ANXA10: variants seen among roughly 807,000 people sequenced by gnomAD.
The protein encoded by ANXA10 is annexin A10, also known as annexin 14.
A neutral mutation model predicts 53.5 loss-of-function variants in ANXA10; 49 were observed. The observed-to-expected ratio is 0.92, with a 90% confidence interval of 0.73 to 1.16. The LOEUF (loss-of-function observed/expected upper bound fraction) is 1.16, where lower values mean the gene tolerates loss of function less well. ANXA10 is among the 50% of genes most tolerant of loss of function. The probability of loss-of-function intolerance (pLI) is 0.00; values close to 1 mark genes in which losing one functional copy is unlikely to be tolerated. For synonymous variants in ANXA10, 131 were observed against 128.9 expected (o/e 1.02, Z -0.11); for missense variants, 393 against 394.4 (o/e 1.00, Z 0.03).
chr4:168,180,539 A>G (rs1393422225), intron 9 of ANXA10, among the ~76,000 whole-genome samples: 1 of 152,210 alleles, frequency 6.6e-6, no homozygotes, highest in Non-Finnish European at 1.5e-5. Flanking sequence ...TGTTCTAGAC[A>G]CTGACTTAGG....
intron 3 of ANXA10, among the ~76,000 whole-genome samples, chr4:168,159,054 G>A (rs1187455876): frequency 2.0e-5 from 3 of 152,182 alleles, no homozygotes; most frequent in Admixed American, 1.3e-4. Context: ...ACAGCTTGCA[G>A]AACCATGAGA....
At chr4:168,103,280 G>A (rs902768830) in intron 1 of ANXA10, among the ~76,000 whole-genome samples, 3 of 151,728 alleles carry the variant, frequency 2.0e-5, no homozygotes, top group Non-Finnish European at 4.4e-5. Flanking sequence ...TTTTCTTCTA[G>A]AAGTTTTATA....
Position 168,155,491 on chromosome 4 carries a change from A to T in ANXA10, c.196-7037A>T, listed in dbSNP as rs1438432496. ...ATAATTATAAATTATATATTATATA[A>T]TATATAATTATATATTATAAAATAT... On this transcript the variant is annotated intron_variant, in intron 3 of 11. Transcript: ENST00000359299. Among the ~76,000 whole-genome samples, 8 of 24,552 alleles carry T rather than the reference A, an allele frequency of 3.3e-4. 1 individual carries two copies. The highest frequency in any genetic ancestry group is 2.0e-3 in the African/African-American group (8 of 4,010). 16.1% of individuals were successfully genotyped at this position (24,552 alleles called of 152,430 possible).
At chr4:168,154,314 T>C (rs953864656) in intron 3 of ANXA10, among the ~76,000 whole-genome samples, 4 of 152,188 alleles carry the variant, frequency 2.6e-5, no homozygotes, top group Non-Finnish European at 5.9e-5. Flanking sequence ...CATGTATGTA[T>C]TATTTATAAG....
intron 3 of ANXA10, among the ~76,000 whole-genome samples, chr4:168,141,366 ATCT>A (rs1457339238): frequency 1.3e-5 from 2 of 152,188 alleles, no homozygotes; most frequent in African/African-American, 4.8e-5. Flanking sequence ...CTTGATTTAG[ATCT>A]TCATCATTTT....
intron 3 of ANXA10, among the ~76,000 whole-genome samples, chr4:168,151,570 G>T (rs1263798943): frequency 4.6e-5 from 7 of 152,142 alleles, no homozygotes. Context: ...TCGGAATACA[G>T]GAAAGCAGAG....
chr4:168,168,133 G>C (rs1228331297), intron 6 of ANXA10, among the ~76,000 whole-genome samples: 1 of 152,194 alleles, frequency 6.6e-6, no homozygotes, highest in African/African-American at 2.4e-5. Flanking sequence ...ACCGATCAGA[G>C]TGCATTTCCC....
intron 8 of ANXA10, 29 bp from the exon 9 acceptor site, chr4:168,179,188 C>A: frequency 2.2e-6 from 3 of 1,347,528 alleles, no homozygotes; most frequent in African/African-American, 2.9e-5. Flanking sequence ...TTTTCAAAAT[C>A]TCCTTTGAAT....
Position 168,102,403 on chromosome 4 carries a change from T to G in ANXA10, c.18+9685T>G, listed in dbSNP as rs1293576255. 2.0e-5 allele frequency among the ~76,000 whole-genome samples: 3 copies of G among 152,116 alleles called. No individual in the cohort carries two copies. The East Asian group carries it at 5.8e-4, about 29-fold the overall frequency. Reference sequence around the variant, plus strand: ...ACCACACTGCCTGCCTGTAGTCAGCTACCGACCCCAAACTCCAAACTCTGG... The same window carrying G: ...ACCACACTGCCTGCCTGTAGTCAGCGACCGACCCCAAACTCCAAACTCTGG... On this transcript the variant is annotated intron_variant, in intron 1 of 11. Coordinates refer to ENST00000359299, the MANE Select transcript of ANXA10 (RefSeq NM_007193.5).
chr4:168,097,076 T>A (rs958434911), intron 1 of ANXA10, among the ~76,000 whole-genome samples: 1 of 151,870 alleles, frequency 6.6e-6, no homozygotes, highest in African/African-American at 2.4e-5. Flanking sequence ...TAATGTTTAT[T>A]TATAAGTAGA....
chr4:168,136,470 G>A (rs976610660), intron 2 of ANXA10, among the ~76,000 whole-genome samples: 1 of 152,130 alleles, frequency 6.6e-6, no homozygotes, highest in Admixed American at 6.5e-5. Flanking sequence ...CTTTCCAAAG[G>A]GGAAAAATCA....
At chr4:168,164,049 A>G in intron 4 of ANXA10, 149 bp from the exon 5 acceptor site, 1 of 584,434 alleles carries the variant, frequency 1.7e-6, no homozygotes, top group Non-Finnish European at 3.1e-6. Context: ...AGCTGAAACT[A>G]AGATTGTGCC....
chr4:168,109,434 G>T (rs149864195), intron 1 of ANXA10, among the ~76,000 whole-genome samples: 1 of 152,010 alleles, frequency 6.6e-6, no homozygotes, highest in African/African-American at 2.4e-5. Flanking sequence ...GAAGAAAATC[G>T]ATATCAAATA....
chr4:168,123,484 T>C (rs1030820773), intron 1 of ANXA10, among the ~76,000 whole-genome samples: 1 of 152,210 alleles, frequency 6.6e-6, no homozygotes, highest in Non-Finnish European at 1.5e-5. Flanking sequence ...CTAACAGGAA[T>C]CTTGCTGAAG....
chr4:168,174,265 G>A (rs527337783), intron 6 of ANXA10, among the ~76,000 whole-genome samples: 5 of 152,292 alleles, frequency 3.3e-5, no homozygotes, highest in African/African-American at 7.2e-5. Flanking sequence ...TCAGGCTGTC[G>A]ATGGTGGAAC....
At chr4:168,104,955 G>T (rs998756974) in intron 1 of ANXA10, among the ~76,000 whole-genome samples, 3 of 151,548 alleles carry the variant, frequency 2.0e-5, no homozygotes, top group African/African-American at 7.3e-5. Context: ...TATATTTAAT[G>T]TTATAAATTT....
At chr4:168,133,027 C>A (rs1731178861) in intron 2 of ANXA10, among the ~76,000 whole-genome samples, 1 of 152,042 alleles carries the variant, frequency 6.6e-6, no homozygotes, top group South Asian at 2.1e-4. Flanking sequence ...TGGTTGAAAT[C>A]AAACAAGGTG....
intron 2 of ANXA10, among the ~76,000 whole-genome samples, chr4:168,136,718 G>C (rs1731243459): frequency 6.6e-6 from 1 of 152,188 alleles, no homozygotes; most frequent in Non-Finnish European, 1.5e-5. Context: ...CAGGTGCATG[G>C]TGCAAGATGT....
At chr4:168,122,192 T>C (rs1292157822) in intron 1 of ANXA10, among the ~76,000 whole-genome samples, 1 of 152,146 alleles carries the variant, frequency 6.6e-6, no homozygotes, top group Non-Finnish European at 1.5e-5. Context: ...TGAGACTCAC[T>C]CTCTCAAATC....
Sources: gnomAD v4.1 joint callset for allele counts (sites outside exome capture counted in the v4.1 genomes callset) on GRCh38, gnomAD v4.1.1 for gene constraint, MANE v1.5 for transcripts, NCBI Gene and HGNC (gene_info 2026-07-23, HGNC 2026-07-21) for gene names.